The following MTA3 variants were observed in gnomAD, a reference collection of about 807,000 sequenced individuals.
MTA3 encodes metastasis-associated protein MTA3.
In MTA3, 34 loss-of-function variants were observed where a neutral mutation model predicts 83.5. The observed-to-expected ratio is 0.41, with a 90% CI of 0.31 to 0.54. The LOEUF (loss-of-function observed/expected upper bound fraction) is 0.54, where lower values mean the gene tolerates loss of function less well. MTA3 is among the 20% of genes least tolerant of loss of function. The probability of loss-of-function intolerance (pLI) is 0.33; values close to 1 mark genes in which losing one functional copy is unlikely to be tolerated. For synonymous variants in MTA3, 303 were observed against 252.7 expected, an observed-to-expected ratio of 1.20 and a Z score of -1.89; for missense variants, 761 against 726.4, an observed-to-expected ratio of 1.05 and a Z score of -0.55.
Position 42,570,468 on chromosome 2 carries a change from C to T in MTA3, c.60C>T (p.Asn20=), listed in dbSNP as rs762172314. 7.7e-5 allele frequency: 119 copies of T among 1,546,076 alleles called. 1 individual carries two copies. The East Asian group carries it at 2.6e-3, about 34-fold the overall frequency. The change falls in exon 2 of 17, where the codon AAC becomes AAT. Residue 20 remains asparagine (N), a synonymous_variant. Transcript: ENST00000405094. ...TCTACTTTGAGAATTCCTCCAGCAA[C>T]CCATACCTAATAAGAAGGATAGAAG... ...DYVYFENSSS[N]PYLIRRIEEL...
At chr2:42,626,774 T>C (rs1036729077) in intron 4 of MTA3, among the ~76,000 whole-genome samples, 2 of 152,166 alleles carry the variant, frequency 1.3e-5, no homozygotes, top group Non-Finnish European at 2.9e-5. Flanking sequence ...AGAGTCTTGC[T>C]TTGTCGCCCA....
chr2:42,524,957 CTT>C (rs540854902), intron 2 of MTA3, among the ~76,000 whole-genome samples: 220 of 140,992 alleles, frequency 1.6e-3, no homozygotes, highest in East Asian at 3.7e-3. Context: ...CTGTGGGTCT[CTT>C]TTTTTTTTTT....
chr2:42,606,228 T>C (rs1381970004), intron 3 of MTA3, among the ~76,000 whole-genome samples: 5 of 121,044 alleles, frequency 4.1e-5, no homozygotes, highest in Non-Finnish European at 3.4e-5. Context: ...CCGGACGGGG[T>C]GGCTGCCGGG....
intron 14 of MTA3, among the ~76,000 whole-genome samples, chr2:42,715,117 C>G (rs1206346909): frequency 6.6e-6 from 1 of 152,190 alleles, no homozygotes; most frequent in Non-Finnish European, 1.5e-5. Flanking sequence ...TCTGTGACTT[C>G]AAATGCATAT....
rs148976928 is a variant in MTA3 at position 42,597,069 on chromosome 2, G to A, written c.191-12389G>A. Among the ~76,000 whole-genome samples the A allele has an allele frequency of 4.9e-4, 74 of 151,456 alleles. No homozygotes were observed. In the East Asian group the frequency reaches 0.01, roughly 21 times the overall value. On this transcript the variant is annotated intron_variant, in intron 3 of 16. Coordinates refer to ENST00000405094, the MANE Select transcript of MTA3 (RefSeq NM_001330442.2). The stretch of plus-strand genomic sequence containing the variant: ...ACAGGAGCAAACTGCATTGCCCGGT[G>A]AATAATTTTTTTTTTGTATTTTAGT...
rs146823145 is a variant in MTA3, at chr2:42,611,676, C to A, written c.317+2092C>A. 4.8e-3 allele frequency among the ~76,000 whole-genome samples: 726 copies of A among 152,038 alleles called. 8 individuals are homozygous for A. The highest frequency in any genetic ancestry group is 0.016 in the African/African-American group (665 of 41,468). ...ACCAAAAATATAAAAATTAGCTGAGCGTGGTGGTGTGTGCCTGTGGTCCCA... is the reference window on the plus strand; with the variant it reads ...ACCAAAAATATAAAAATTAGCTGAGAGTGGTGGTGTGTGCCTGTGGTCCCA... On this transcript the variant is annotated intron_variant, in intron 4 of 16. Coordinates refer to ENST00000405094, the MANE Select transcript of MTA3 (RefSeq NM_001330442.2).
intron 16 of MTA3, among the ~76,000 whole-genome samples, chr2:42,751,310 A>G (rs1669856190): frequency 6.6e-6 from 1 of 152,254 alleles, no homozygotes; most frequent in Non-Finnish European, 1.5e-5. Context: ...CAAAGTGGCA[A>G]ATATAGGTTA....
At chr2:42,597,684 G>GTTTTTTT (rs10690551) in intron 3 of MTA3, among the ~76,000 whole-genome samples, 1 of 128,966 alleles carries the variant, frequency 7.8e-6, no homozygotes, top group Non-Finnish European at 1.6e-5. Context: ...TCACCCACCT[G>GTTTTTTT]TTTTTTTTTT....
At chr2:42,639,115 C>G (rs1026456982) in intron 4 of MTA3, among the ~76,000 whole-genome samples, 4 of 148,372 alleles carry the variant, frequency 2.7e-5, no homozygotes, top group African/African-American at 7.5e-5. Flanking sequence ...GGCTGGAGTG[C>G]AGTGGCACGA....
intron 2 of MTA3, among the ~76,000 whole-genome samples, chr2:42,553,506 C>T (rs1359713267): frequency 4.0e-5 from 6 of 150,400 alleles, no homozygotes; most frequent in African/African-American, 9.8e-5. Flanking sequence ...GAGGCCGAGG[C>T]GGGCATATCA....
At chr2:42,535,683 G>A (rs1296540280) in intron 2 of MTA3, among the ~76,000 whole-genome samples, 2 of 151,998 alleles carry the variant, frequency 1.3e-5, no homozygotes. Context: ...TAAAATCAGG[G>A]TTATGTTGTT....
At chr2:42,509,702 T>A (rs764392707) in intron 2 of MTA3, among the ~76,000 whole-genome samples, 1 of 151,164 alleles carries the variant, frequency 6.6e-6, no homozygotes, top group African/African-American at 2.4e-5. Context: ...GCCTGGGGGG[T>A]TGAGGCTGCA....
At chr2:42,682,692 A>G in intron 9 of MTA3, 103 bp downstream of exon 9, 1 of 1,035,514 alleles carries the variant, frequency 9.7e-7, no homozygotes, top group Non-Finnish European at 1.4e-6. Context: ...TTGTGAGTTA[A>G]TAGTTTTTAT....
chr2:42,739,474 T>C (rs1049784530), intron 16 of MTA3, among the ~76,000 whole-genome samples: 2 of 151,834 alleles, frequency 1.3e-5, no homozygotes, highest in African/African-American at 2.4e-5. Context: ...AATGATCATC[T>C]GAGCCTTCTA....
rs116216815 is a variant in MTA3, at chr2:42,581,682, T to C, written c.190+2482T>C. On this transcript the variant is annotated intron_variant, in intron 3 of 16. Transcript: ENST00000405094. Reference sequence around the variant, plus strand: ...ACAGGTGTGAGGCACCACACCCAACTAGCAACAACCTTAGAAGCTAGATTA... The same window carrying C: ...ACAGGTGTGAGGCACCACACCCAACCAGCAACAACCTTAGAAGCTAGATTA... The C allele has an allele frequency of 2.1e-3, 398 of 190,420 alleles. 2 individuals are homozygous for C. Among genetic ancestry groups the C allele is most frequent in the African/African-American group, 9.0e-3 (376 of 41,852 alleles). The allele number at this position is 190,420 out of a possible 1,614,324, so 11.8% of individuals were successfully genotyped here.
chr2:42,605,885 G>C (rs1683271407), intron 3 of MTA3, among the ~76,000 whole-genome samples: 1 of 120,298 alleles, frequency 8.3e-6, no homozygotes, highest in Admixed American at 7.7e-5. Flanking sequence ...TGGCCGGGCA[G>C]AGGGGCTCCT....
At chr2:42,710,427 T>C (rs1480952611) in intron 14 of MTA3, among the ~76,000 whole-genome samples, 1 of 151,780 alleles carries the variant, frequency 6.6e-6, no homozygotes, top group Admixed American at 6.6e-5. Context: ...GGCAGGCGCC[T>C]GTAATCCCAG....
intron 3 of MTA3, among the ~76,000 whole-genome samples, chr2:42,592,548 C>T (rs1681141942): frequency 6.6e-6 from 1 of 152,150 alleles, no homozygotes; most frequent in African/African-American, 2.4e-5. Context: ...TGCACCAGTG[C>T]ACACAAGCCT....
Position 42,695,786 on chromosome 2 carries a change from A to G in MTA3, c.913A>G (p.Ser305Gly). The G allele has an allele frequency of 1.3e-6, 2 of 1,575,788 alleles. No homozygotes were observed. The highest frequency in any genetic ancestry group is 1.9e-5 in the Admixed American group (1 of 53,984). Residue 305 changes from serine (S) to glycine (G), a missense_variant, in exon 10 of 17, where the codon AGC becomes GGC. Physicochemically the swap from Ser to Gly is moderately conservative, Grantham distance 56. Transcript: ENST00000405094. ...QDFLPWKSLT[S>G]IIEYYYMWKT... is the part of the protein sequence containing the mutation. ...TCAGCTTCCTTGGAAATCATTGACT[A>G]GCATCATTGAATATTATTACATGTG...
Sources: allele counts gnomAD v4.1 joint callset (sites outside exome capture counted in the v4.1 genomes callset), GRCh38; gene constraint gnomAD v4.1.1; transcripts MANE v1.5; gene names NCBI Gene and HGNC (gene_info 2026-07-23, HGNC 2026-07-21).